Variants in GALNTL6 observed in about 807,000 individuals in gnomAD.
GALNTL6 encodes the protein polypeptide N-acetylgalactosaminyltransferase like 6, also known as polypeptide N-acetylgalactosaminyltransferase-like 6.
GALNTL6 carries 46 observed loss-of-function variants against 73.7 expected under a neutral mutation model. That is an observed-to-expected ratio of 0.62 (90% confidence interval 0.49 to 0.80). The LOEUF (loss-of-function observed/expected upper bound fraction) is 0.80, where lower values mean the gene tolerates loss of function less well. Among genes scored for constraint, GALNTL6 ranks in the 30% least tolerant of loss-of-function variants. The pLI, the probability that GALNTL6 is intolerant of heterozygous loss-of-function variation, is 0.00. For missense variants in GALNTL6, 604 were observed against 755.0 expected, an observed-to-expected ratio of 0.80 and a Z score of 2.34; for synonymous variants, 259 against 263.7, an observed-to-expected ratio of 0.98 and a Z score of 0.17.
chr4:172,031,253 C>T (rs1020577935), intron 2 of GALNTL6, among the ~76,000 whole-genome samples: 1 of 151,992 alleles, frequency 6.6e-6, no homozygotes, highest in African/African-American at 2.4e-5. Flanking sequence ...CTGAAAAATG[C>T]CAAACAAAAA....
At chr4:173,019,666 T>C (rs1752921555) in intron 11 of GALNTL6, among the ~76,000 whole-genome samples, 1 of 152,242 alleles carries the variant, frequency 6.6e-6, no homozygotes. Flanking sequence ...ATTTCAAATG[T>C]CTATTCTAAA....
intron 5 of GALNTL6, among the ~76,000 whole-genome samples, chr4:172,365,373 G>A (rs1742519697): frequency 6.6e-6 from 1 of 152,076 alleles, no homozygotes; most frequent in African/African-American, 2.4e-5. Flanking sequence ...GTCATTTGTG[G>A]TTCATGGTCA....
At chr4:171,927,292 C>CT (rs963063373) in intron 2 of GALNTL6, among the ~76,000 whole-genome samples, 15 of 151,914 alleles carry the variant, frequency 9.9e-5, no homozygotes, top group African/African-American at 3.4e-4. Flanking sequence ...CTTTACTTTT[C>CT]TTTTTTTGTT....
chr4:171,897,895 C>A (rs950941280), intron 2 of GALNTL6, among the ~76,000 whole-genome samples: 1 of 150,544 alleles, frequency 6.6e-6, no homozygotes, highest in African/African-American at 2.4e-5. Flanking sequence ...CCACTGCACT[C>A]CAGCCTGGGT....
At chr4:172,766,730 A>G (rs916082058) in intron 5 of GALNTL6, among the ~76,000 whole-genome samples, 1 of 152,192 alleles carries the variant, frequency 6.6e-6, no homozygotes, top group African/African-American at 2.4e-5. Context: ...CTAGAGTAAC[A>G]ATTTTTCTGT....
At chr4:172,006,323 T>A (rs1242134441) in intron 2 of GALNTL6, among the ~76,000 whole-genome samples, 1 of 152,128 alleles carries the variant, frequency 6.6e-6, no homozygotes, top group Admixed American at 6.6e-5. Context: ...CTTTAGTGAC[T>A]TCCAAAATCA....
intron 3 of GALNTL6, among the ~76,000 whole-genome samples, chr4:172,257,929 T>C (rs1484807068): frequency 6.6e-6 from 1 of 151,284 alleles, no homozygotes; most frequent in Non-Finnish European, 1.5e-5. Flanking sequence ...GCTGTATCCA[T>C]TCATATATTC....
intron 5 of GALNTL6, among the ~76,000 whole-genome samples, chr4:172,702,645 A>T (rs1734091861): frequency 6.6e-6 from 1 of 152,042 alleles, no homozygotes; most frequent in Admixed American, 6.6e-5. Flanking sequence ...TGAGCTCTCT[A>T]GTCCCTTTTT....
At chr4:172,955,507 T>C (rs1193537998) in intron 10 of GALNTL6, among the ~76,000 whole-genome samples, 3 of 152,098 alleles carry the variant, frequency 2.0e-5, no homozygotes, top group Non-Finnish European at 4.4e-5. Flanking sequence ...AATATATGTG[T>C]TGAGCAACTT....
intron 8 of GALNTL6, among the ~76,000 whole-genome samples, chr4:172,903,467 G>A (rs756069615): frequency 5.4e-4 from 82 of 152,258 alleles, no homozygotes; most frequent in Non-Finnish European, 9.6e-4. Flanking sequence ...GAAGCCTATG[G>A]ATCAAGTACA....
chr4:171,958,926 T>A (rs1225953007), intron 2 of GALNTL6, among the ~76,000 whole-genome samples: 1 of 152,100 alleles, frequency 6.6e-6, no homozygotes, highest in Non-Finnish European at 1.5e-5. Flanking sequence ...AAAAGTATCT[T>A]ATAATAAAAT....
chr4:172,916,421 A>G (rs1302656444), intron 8 of GALNTL6, among the ~76,000 whole-genome samples: 4 of 152,210 alleles, frequency 2.6e-5, no homozygotes, highest in Non-Finnish European at 2.9e-5. Flanking sequence ...AGCAAGAAAT[A>G]AAGAGTATTC....
intron 5 of GALNTL6, among the ~76,000 whole-genome samples, chr4:172,536,947 G>T (rs1288558867): frequency 6.6e-6 from 1 of 152,130 alleles, no homozygotes; most frequent in South Asian, 2.1e-4. Context: ...TTTAATGACT[G>T]CCCTATTGAA....
chr4:172,994,170 A>G (rs569692140), intron 10 of GALNTL6, among the ~76,000 whole-genome samples: 6 of 152,216 alleles, frequency 3.9e-5, no homozygotes, highest in South Asian at 2.1e-4. Flanking sequence ...TAACTGTTGT[A>G]TAAGATGGTG....
At chr4:172,249,783 T>C (rs1162461834) in intron 3 of GALNTL6, among the ~76,000 whole-genome samples, 1 of 151,914 alleles carries the variant, frequency 6.6e-6, no homozygotes, top group African/African-American at 2.4e-5. Flanking sequence ...AAGACAAGAA[T>C]TGAGGTTTGG....
At chr4:172,498,204 G>A (rs1734136825) in intron 5 of GALNTL6, among the ~76,000 whole-genome samples, 1 of 151,716 alleles carries the variant, frequency 6.6e-6, no homozygotes, top group Admixed American at 6.6e-5. Context: ...TTGCCAGGAT[G>A]GTCTCTATCT....
intron 5 of GALNTL6, among the ~76,000 whole-genome samples, chr4:172,794,043 C>T (rs1289800369): frequency 6.6e-6 from 1 of 152,154 alleles, no homozygotes; most frequent in African/African-American, 2.4e-5. Context: ...TTATGCAATA[C>T]TGTAGAACAG....
chr4:172,875,677 G>A (rs570589349), intron 7 of GALNTL6, among the ~76,000 whole-genome samples: 2 of 150,780 alleles, frequency 1.3e-5, no homozygotes, highest in East Asian at 2.0e-4. Flanking sequence ...TAGGAATGAC[G>A]AAGGGAATTT....
chr4:172,198,388 C>T (rs1735846802), intron 2 of GALNTL6, among the ~76,000 whole-genome samples: 1 of 151,004 alleles, frequency 6.6e-6, no homozygotes. Flanking sequence ...TGTCCTGAAT[C>T]TTCAAGGAAA....
Sources: allele counts gnomAD v4.1 joint callset (sites outside exome capture counted in the v4.1 genomes callset), GRCh38; gene constraint gnomAD v4.1.1; transcripts MANE v1.5; gene names NCBI Gene and HGNC (gene_info 2026-07-23, HGNC 2026-07-21).